The following TPD52 variants were observed in gnomAD, a reference collection of about 807,000 sequenced individuals.
The protein encoded by TPD52 is prostate and colon associated protein.
In TPD52, 17 loss-of-function variants were observed where a neutral mutation model predicts 31.3. The observed-to-expected ratio is 0.54, with a 90% CI of 0.37 to 0.82. The LOEUF (loss-of-function observed/expected upper bound fraction) is 0.82, where lower values mean the gene tolerates loss of function less well. Ranked by LOEUF, TPD52 falls within the 40% of genes least tolerant of loss-of-function variation. The pLI, the probability that TPD52 is intolerant of heterozygous loss-of-function variation, is 0.00. For synonymous variants in TPD52, 83 were observed against 89.6 expected (o/e 0.93, Z 0.42); for missense variants, 212 against 240.1 (o/e 0.88, Z 0.77).
chr8:80,041,816 A>G (rs1810410518), intron 7 of TPD52, among the ~76,000 whole-genome samples: 1 of 152,158 alleles, frequency 6.6e-6, no homozygotes, highest in South Asian at 2.1e-4. Flanking sequence ...CAGGCCAGGC[A>G]TGGTGGCTCA....
At chr8:80,082,038 C>A (rs1302340893) in intron 1 of TPD52, among the ~76,000 whole-genome samples, 2 of 151,890 alleles carry the variant, frequency 1.3e-5, no homozygotes, top group Admixed American at 6.6e-5. Flanking sequence ...AAACTCCTGA[C>A]CTCAGGTGAT....
At chr8:80,151,347 A>G (rs1430122578) in intron 1 of TPD52, among the ~76,000 whole-genome samples, 1 of 152,252 alleles carries the variant, frequency 6.6e-6, no homozygotes, top group Non-Finnish European at 1.5e-5. Flanking sequence ...AATGGGAAAG[A>G]GAAATAACAA....
chr8:80,074,493 C>T (rs566828393), intron 1 of TPD52, among the ~76,000 whole-genome samples: 41 of 152,310 alleles, frequency 2.7e-4, no homozygotes, highest in African/African-American at 9.4e-4. Context: ...GTTAAGGCAG[C>T]GCTTCTCAGG....
intron 1 of TPD52, among the ~76,000 whole-genome samples, chr8:80,106,482 G>C (rs1807119926): frequency 6.6e-6 from 1 of 151,894 alleles, no homozygotes; most frequent in African/African-American, 2.4e-5. Flanking sequence ...TCAGCCTCCA[G>C]AGTAGCTGAG....
chr8:80,106,743 C>T (rs1326374358), intron 1 of TPD52, among the ~76,000 whole-genome samples: 2 of 149,588 alleles, frequency 1.3e-5, no homozygotes, highest in East Asian at 2.0e-4. Context: ...CCAAAATGGA[C>T]GCAAAAGGCA....
intron 1 of TPD52, among the ~76,000 whole-genome samples, chr8:80,096,342 TA>T (rs1282924612): frequency 6.6e-6 from 1 of 150,810 alleles, no homozygotes; most frequent in East Asian, 2.0e-4. Context: ...CTGCCTGGGG[TA>T]AAATACTCAA....
intron 1 of TPD52, among the ~76,000 whole-genome samples, chr8:80,128,941 T>C (rs778020402): frequency 3.3e-5 from 5 of 152,084 alleles, no homozygotes; most frequent in Non-Finnish European, 7.4e-5. Flanking sequence ...TTCTCTGTAA[T>C]GTTACATTTC....
chr8:80,069,254 A>G (rs2130732409), intron 1 of TPD52, among the ~76,000 whole-genome samples: 1 of 152,244 alleles, frequency 6.6e-6, no homozygotes, highest in South Asian at 2.1e-4. Context: ...ACTTGAGCCC[A>G]GGAGTTCGAG....
At chr8:80,069,892 A>T (rs894664852) in intron 1 of TPD52, among the ~76,000 whole-genome samples, 19 of 152,166 alleles carry the variant, frequency 1.2e-4, no homozygotes, top group African/African-American at 4.6e-4. Context: ...AAGAACCGGT[A>T]AGAGCTTAGT....
At chr8:80,121,035 T>A (rs373212684) in intron 1 of TPD52, among the ~76,000 whole-genome samples, 14 of 149,488 alleles carry the variant, frequency 9.4e-5, no homozygotes, top group African/African-American at 3.2e-4. Context: ...TGAGCTGAGA[T>A]CACGCCAGTG....
At chr8:80,167,361 C>G (rs1372917673) in intron 1 of TPD52, among the ~76,000 whole-genome samples, 1 of 152,202 alleles carries the variant, frequency 6.6e-6, no homozygotes, top group Non-Finnish European at 1.5e-5. Context: ...TGGTTTTGCA[C>G]TGTGAGTGAG....
At chr8:80,107,985 G>A (rs552498498) in intron 1 of TPD52, among the ~76,000 whole-genome samples, 1 of 152,176 alleles carries the variant, frequency 6.6e-6, no homozygotes, top group Non-Finnish European at 1.5e-5. Context: ...ATGCACGTCA[G>A]TCATGGAAGT....
At chr8:80,076,441 G>A (rs901006691) in intron 1 of TPD52, among the ~76,000 whole-genome samples, 4 of 152,094 alleles carry the variant, frequency 2.6e-5, no homozygotes, top group Admixed American at 2.0e-4. Flanking sequence ...CTTATAAGTG[G>A]GGGCAAAATG....
intron 1 of TPD52, among the ~76,000 whole-genome samples, chr8:80,073,096 GAGAA>G (rs1441155672): frequency 1.3e-5 from 2 of 151,756 alleles, no homozygotes; most frequent in African/African-American, 4.8e-5. Context: ...GAGCGAGAGC[GAGAA>G]AGAAAGAAAT....
intron 1 of TPD52, among the ~76,000 whole-genome samples, chr8:80,092,558 G>C (rs1816359131): frequency 6.6e-6 from 1 of 152,034 alleles, no homozygotes; most frequent in African/African-American, 2.4e-5. Context: ...GAAAATTGTG[G>C]TATATATACA....
chr8:80,168,313 T>C (rs1229088884), intron 1 of TPD52, among the ~76,000 whole-genome samples: 2 of 152,202 alleles, frequency 1.3e-5, no homozygotes, highest in Non-Finnish European at 2.9e-5. Flanking sequence ...GATTTTTTGA[T>C]AACTTCACAT....
chr8:80,104,267 T>C lies in TPD52; in HGVS notation c.20-39674A>G, dbSNP rs528548475. Among the ~76,000 whole-genome samples, 11 of 152,266 alleles carry C rather than the reference T, an allele frequency of 7.2e-5. No individual in the cohort carries two copies. In the South Asian group the frequency reaches 2.3e-3, roughly 32 times the overall value. ...CCAGCTCCTTCCCAGTTTGGGGGTG[T>C]GGGGAGAAGGATGTTATAGTCTCAA... On this transcript the variant is annotated intron_variant, in intron 1 of 7. Coordinates refer to ENST00000518937, the MANE Select transcript of TPD52 (RefSeq NM_001025253.3).
chr8:80,160,233 T>C (rs1251509510), intron 1 of TPD52, among the ~76,000 whole-genome samples: 1 of 152,132 alleles, frequency 6.6e-6, no homozygotes, highest in Non-Finnish European at 1.5e-5. Context: ...CTCCAGATTA[T>C]TCTCTTAGAG....
At chr8:80,064,028 G>C (rs1235641862) in intron 2 of TPD52, among the ~76,000 whole-genome samples, 1 of 137,430 alleles carries the variant, frequency 7.3e-6, no homozygotes, top group East Asian at 2.3e-4. Flanking sequence ...GGAAGGGAGA[G>C]AGGGGAGGGA....
Sources: allele counts gnomAD v4.1 joint callset (sites outside exome capture counted in the v4.1 genomes callset), GRCh38; gene constraint gnomAD v4.1.1; transcripts MANE v1.5; gene names NCBI Gene and HGNC (gene_info 2026-07-23, HGNC 2026-07-21).